The following SLC6A17 variants were observed in gnomAD, a reference collection of about 807,000 sequenced individuals.
SLC6A17 encodes the protein sodium-dependent neutral amino acid transporter SLC6A17.
A neutral mutation model predicts 64.5 loss-of-function variants in SLC6A17; 21 were observed. That is an observed-to-expected ratio of 0.33 (90% confidence interval 0.23 to 0.47). The LOEUF is 0.47. Among genes scored for constraint, SLC6A17 ranks in the 20% least tolerant of loss-of-function variants. The pLI, the probability that SLC6A17 is intolerant of heterozygous loss-of-function variation, is 1.00. For synonymous variants in SLC6A17, 372 were observed against 399.5 expected (o/e 0.93, Z 0.82); for missense variants, 682 against 963.2 (o/e 0.71, Z 3.86).
chr1:110,198,335 G>A lies in SLC6A17; in HGVS notation c.2075G>A (p.Arg692His), dbSNP rs746035181. The change falls in exon 12 of 12, where the codon CGT becomes CAT. Residue 692 changes from arginine (R) to histidine (H), a missense_variant. By Grantham distance (29) the Arg-to-His change is conservative (BLOSUM62 0). Around this residue, in one of 3 missense-constraint regions of SLC6A17, gnomAD observed 264 missense variants for 339.5 expected, o/e 0.78. Transcript: ENST00000331565. ...GCACCTTCCCCCATGCCCACTCACC[G>A]TTCCTATCTGGGGCCCGGCAGCACA... ...SEAPSPMPTH[R>H]SYLGPGSTSP... 5.5e-5 allele frequency: 88 copies of A among 1,614,034 alleles called. No individual in the cohort carries two copies. Among genetic ancestry groups the A allele is most frequent in the Middle Eastern group, 1.6e-4 (1 of 6,084 alleles).
chr1:110,186,445 CAAA>C (rs55986433), intron 6 of SLC6A17, among the ~76,000 whole-genome samples: 1 of 87,956 alleles, frequency 1.1e-5, no homozygotes. Context: ...AAATAATTAC[CAAA>C]AAAAAAAAAA....
At chr1:110,167,633 A>C (rs1484638087) in intron 2 of SLC6A17, among the ~76,000 whole-genome samples, 1 of 152,152 alleles carries the variant, frequency 6.6e-6, no homozygotes, top group African/African-American at 2.4e-5. Context: ...ATTATTACTA[A>C]ATGCTTATGA....
intron 1 of SLC6A17, among the ~76,000 whole-genome samples, chr1:110,155,646 A>G (rs996084010): frequency 2.6e-5 from 4 of 152,030 alleles, no homozygotes; most frequent in South Asian, 4.1e-4. Context: ...CTGAGCTGCC[A>G]CTCTGCCTTC....
chr1:110,196,712 C>T (rs1220895045), intron 10 of SLC6A17, among the ~76,000 whole-genome samples: 1 of 152,098 alleles, frequency 6.6e-6, no homozygotes, highest in Admixed American at 6.5e-5. Flanking sequence ...AATGTATGAG[C>T]ACTTTATTTT....
intron 6 of SLC6A17, 92 bp from the exon 7 acceptor site, chr1:110,191,880 C>G: frequency 6.5e-7 from 1 of 1,530,280 alleles, no homozygotes; most frequent in Non-Finnish European, 8.8e-7. Flanking sequence ...TGCCTCTGAA[C>G]TCTGTTGAGG....
intron 6 of SLC6A17, among the ~76,000 whole-genome samples, chr1:110,189,970 G>C (rs1456214461): frequency 6.6e-6 from 1 of 152,154 alleles, no homozygotes; most frequent in Non-Finnish European, 1.5e-5. Context: ...TTGTTCGTGG[G>C]ATCATTTGAC....
At chr1:110,197,992 AG>A in intron 11 of SLC6A17, 83 bp from the exon 12 acceptor site, 1 of 1,521,962 alleles carries the variant, frequency 6.6e-7, no homozygotes, top group South Asian at 1.3e-5. Context: ...GCCATGGGTG[AG>A]GGCAGGAGAG....
At chr1:110,156,605 G>A (rs1161309151) in intron 1 of SLC6A17, among the ~76,000 whole-genome samples, 3 of 152,330 alleles carry the variant, frequency 2.0e-5, no homozygotes, top group South Asian at 4.1e-4. Context: ...CATGATAGAG[G>A]CTTCTTTGTC....
At chr1:110,174,631 C>T (rs1656322443) in intron 4 of SLC6A17, 148 bp from the exon 5 acceptor site, 6 of 977,406 alleles carry the variant, frequency 6.1e-6, no homozygotes, top group Non-Finnish European at 8.9e-6. Flanking sequence ...CTGCCAGATC[C>T]CGGCTAACCC....
chr1:110,197,616 C>T lies in SLC6A17; in HGVS notation c.1815+17C>T, dbSNP rs1243215270. On this transcript the variant is annotated intron_variant, in intron 11 of 11. Coordinates refer to ENST00000331565, the MANE Select transcript of SLC6A17 (RefSeq NM_001010898.4). The stretch of plus-strand genomic sequence containing the variant: ...AAGGAGGAGGTGAGGGGTGGGGCCC[C>T]AAACCCCAGGGACATTTGCATCTTC... The T allele has an allele frequency of 1.9e-6, 3 of 1,577,396 alleles. No homozygotes were observed. In the South Asian group the frequency reaches 3.4e-5, roughly 18 times the overall value.
intron 1 of SLC6A17, among the ~76,000 whole-genome samples, chr1:110,163,018 T>TA (rs67702050): frequency 0.028 from 2,814 of 102,108 alleles, 64 homozygotes; most frequent in Middle Eastern, 0.08. Flanking sequence ...CCCATGTTGG[T>TA]AAAAAAAAAA....
chr1:110,180,632 C>A (rs1656498276), intron 6 of SLC6A17, among the ~76,000 whole-genome samples: 1 of 152,144 alleles, frequency 6.6e-6, no homozygotes, highest in Non-Finnish European at 1.5e-5. Flanking sequence ...ACTACTGTTG[C>A]AGAGCTGTGA....
At chr1:110,154,512 C>T (rs1038750706) in intron 1 of SLC6A17, among the ~76,000 whole-genome samples, 3 of 152,164 alleles carry the variant, frequency 2.0e-5, no homozygotes, top group African/African-American at 7.2e-5. Flanking sequence ...CATAACCAAA[C>T]GTCCAAGGTT....
intron 3 of SLC6A17, 81 bp from the exon 4 acceptor site, chr1:110,173,892 C>CGACGAA: frequency 1.3e-6 from 2 of 1,552,174 alleles, no homozygotes; most frequent in East Asian, 2.3e-5. Context: ...GCGCTGCCGA[C>CGACGAA]GTGCTGGGCC....
chr1:110,200,335 G>A lies in SLC6A17; in HGVS notation c.*1891G>A, dbSNP rs978594552. The A allele has an allele frequency of 2.7e-6, 1 of 374,588 alleles. No homozygotes were observed. The highest frequency in any genetic ancestry group is 4.7e-6 in the Non-Finnish European group (1 of 211,436). The allele number at this position is 374,588 out of a possible 1,614,324, so 23.2% of individuals were successfully genotyped here. ...AGAGAGAGACCCACATCTCCCCAAA[G>A]AGATGAGCTTTTGGGGCACAACATC... On this transcript the variant is annotated 3_prime_UTR_variant, in exon 12 of 12. Transcript: ENST00000331565.
intron 6 of SLC6A17, among the ~76,000 whole-genome samples, chr1:110,182,758 G>A (rs1348562667): frequency 2.6e-5 from 4 of 152,036 alleles, no homozygotes; most frequent in Non-Finnish European, 5.9e-5. Flanking sequence ...AGAATTGACC[G>A]AGGCACTTGG....
intron 6 of SLC6A17, among the ~76,000 whole-genome samples, chr1:110,177,430 C>T (rs1656403754): frequency 6.6e-6 from 1 of 152,174 alleles, no homozygotes; most frequent in African/African-American, 2.4e-5. Context: ...TACCCAGGTT[C>T]CCTAAAGACG....
At chr1:110,163,382 A>G (rs1184136167) in intron 1 of SLC6A17, among the ~76,000 whole-genome samples, 1 of 152,150 alleles carries the variant, frequency 6.6e-6, no homozygotes, top group Non-Finnish European at 1.5e-5. Flanking sequence ...CCAAATATCA[A>G]TATGGGGACT....
At chr1:110,187,680 A>G (rs1570998511) in intron 6 of SLC6A17, among the ~76,000 whole-genome samples, 1 of 152,248 alleles carries the variant, frequency 6.6e-6, no homozygotes, top group African/African-American at 2.4e-5. Flanking sequence ...GCCTAGGAGA[A>G]GCGCCCAGGC....
Sources: allele counts gnomAD v4.1 joint callset (sites outside exome capture counted in the v4.1 genomes callset), GRCh38; gene constraint gnomAD v4.1.1; regional missense constraint gnomAD v4.1.1; transcripts MANE v1.5; gene names NCBI Gene and HGNC (gene_info 2026-07-23, HGNC 2026-07-21).